Variants in DGKB observed in about 807,000 individuals in gnomAD.
DGKB encodes the protein 90 kDa diacylglycerol kinase.
Under a neutral mutation model 114.3 loss-of-function variants are expected in DGKB, and 67 were observed. The observed-to-expected ratio is 0.59, with a 90% CI of 0.48 to 0.72. The LOEUF (loss-of-function observed/expected upper bound fraction) is 0.72, where lower values mean the gene tolerates loss of function less well. DGKB is among the 30% of genes least tolerant of loss of function. The pLI, the probability that DGKB is intolerant of heterozygous loss-of-function variation, is 0.00. For missense variants in DGKB, 907 were observed against 975.2 expected (o/e 0.93, Z 0.93); for synonymous variants, 398 against 323.1 (o/e 1.23, Z -2.49).
At chr7:14,353,149 G>A (rs1813791945) in intron 21 of DGKB, among the ~76,000 whole-genome samples, 1 of 151,936 alleles carries the variant, frequency 6.6e-6, no homozygotes, top group African/African-American at 2.4e-5. Flanking sequence ...TTTCCCAAAT[G>A]TCTCTCATTA....
At chr7:14,464,866 G>A (rs972663378) in intron 21 of DGKB, among the ~76,000 whole-genome samples, 4 of 152,110 alleles carry the variant, frequency 2.6e-5, no homozygotes, top group African/African-American at 9.7e-5. Flanking sequence ...TTCTTCCTGT[G>A]TACACAAGAA....
At chr7:14,429,930 C>A (rs911453973) in intron 21 of DGKB, among the ~76,000 whole-genome samples, 3 of 151,756 alleles carry the variant, frequency 2.0e-5, no homozygotes, top group Admixed American at 6.6e-5. Flanking sequence ...CTGTCCCCCC[C>A]CCCAAAAAAA....
intron 1 of DGKB, among the ~76,000 whole-genome samples, chr7:14,916,581 A>G (rs1384170780): frequency 6.6e-6 from 1 of 152,134 alleles, no homozygotes; most frequent in Non-Finnish European, 1.5e-5. Flanking sequence ...GAAGTTGACA[A>G]TTCCCTAAGA....
At chr7:14,455,881 G>C (rs1198764323) in intron 21 of DGKB, among the ~76,000 whole-genome samples, 1 of 152,024 alleles carries the variant, frequency 6.6e-6, no homozygotes, top group Non-Finnish European at 1.5e-5. Flanking sequence ...GGCAATGAAA[G>C]CGTCTTCCTT....
Position 14,289,633 on chromosome 7 carries a change from G to T in DGKB, c.2122+48882C>A, listed in dbSNP as rs551147282. Among the ~76,000 whole-genome samples the T allele has an allele frequency of 1.5e-4, 23 of 148,530 alleles. No homozygotes were observed. The Admixed American group carries it at 1.6e-3, about 10-fold the overall frequency. ...CATAGCACTATGCCATAATAAAGAA[G>T]AATAATACTATTAAAAAATAACCAT... On this transcript the variant is annotated intron_variant, in intron 23 of 25. Transcript: ENST00000402815.
chr7:14,812,733 C>T (rs1006660136), intron 2 of DGKB, among the ~76,000 whole-genome samples: 1 of 152,174 alleles, frequency 6.6e-6, no homozygotes, highest in African/African-American at 2.4e-5. Context: ...ATTAATTCTT[C>T]TCTTAGCTCC....
At chr7:14,611,745 T>G (rs1253511193) in intron 16 of DGKB, among the ~76,000 whole-genome samples, 1 of 151,782 alleles carries the variant, frequency 6.6e-6, no homozygotes, top group Non-Finnish European at 1.5e-5. Context: ...ATTATTTATA[T>G]GTACTGGTAG....
intron 17 of DGKB, among the ~76,000 whole-genome samples, chr7:14,599,691 GTTA>G (rs1803205275): frequency 1.3e-5 from 2 of 152,130 alleles, no homozygotes; most frequent in Non-Finnish European, 2.9e-5. Flanking sequence ...GAGGGCAAGA[GTTA>G]TTATCCGTTT....
chr7:14,769,281 A>ATT (rs1562489130), intron 2 of DGKB, among the ~76,000 whole-genome samples: 1 of 149,316 alleles, frequency 6.7e-6, no homozygotes, highest in Non-Finnish European at 1.5e-5. Context: ...AAAGAAAGAA[A>ATT]GATTTTGTAA....
chr7:14,897,805 A>T (rs1474520918), intron 1 of DGKB, among the ~76,000 whole-genome samples: 1 of 151,936 alleles, frequency 6.6e-6, no homozygotes, highest in African/African-American at 2.4e-5. Context: ...TTTTTATTTG[A>T]AAGCCAGTTC....
intron 23 of DGKB, among the ~76,000 whole-genome samples, chr7:14,248,366 G>T (rs1397756107): frequency 6.6e-6 from 1 of 151,990 alleles, no homozygotes; most frequent in Non-Finnish European, 1.5e-5. Flanking sequence ...TTTTAGGATT[G>T]TGTTTTCTAT....
intron 21 of DGKB, among the ~76,000 whole-genome samples, chr7:14,392,198 T>C (rs1445847770): frequency 1.3e-5 from 2 of 152,150 alleles, no homozygotes; most frequent in African/African-American, 4.8e-5. Context: ...ATTAGCTTCA[T>C]TTTTATTCTG....
At chr7:14,631,049 C>T (rs1415222106) in intron 13 of DGKB, among the ~76,000 whole-genome samples, 2 of 150,888 alleles carry the variant, frequency 1.3e-5, no homozygotes, top group African/African-American at 4.9e-5. Flanking sequence ...CATGCTGGAA[C>T]GGGAGAAGAA....
intron 17 of DGKB, among the ~76,000 whole-genome samples, chr7:14,602,993 T>C (rs1475495904): frequency 1.3e-5 from 2 of 152,176 alleles, no homozygotes; most frequent in Non-Finnish European, 2.9e-5. Flanking sequence ...TCAACATCTT[T>C]AAAATCATAG....
chr7:14,584,415 A>T (rs2128730556), intron 17 of DGKB, among the ~76,000 whole-genome samples: 1 of 152,258 alleles, frequency 6.6e-6, no homozygotes. Context: ...AATGGCTCCC[A>T]CTGTCAAATA....
chr7:14,553,907 C>G (rs1795484795), intron 20 of DGKB, among the ~76,000 whole-genome samples: 1 of 118,368 alleles, frequency 8.4e-6, no homozygotes, highest in Admixed American at 1.2e-4. Context: ...GAGTCTCGCT[C>G]TGTCGCCCAG....
intron 25 of DGKB, among the ~76,000 whole-genome samples, chr7:14,164,998 C>A (rs1784417627): frequency 6.6e-6 from 1 of 152,036 alleles, no homozygotes; most frequent in Non-Finnish European, 1.5e-5. Flanking sequence ...AATAACTCTC[C>A]AAAGTCCAGA....
intron 2 of DGKB, among the ~76,000 whole-genome samples, chr7:14,776,351 C>A (rs1435182228): frequency 6.6e-6 from 1 of 152,202 alleles, no homozygotes; most frequent in Non-Finnish European, 1.5e-5. Flanking sequence ...GAATGTTAAT[C>A]ACCAAGACAA....
chr7:14,658,805 TA>T (rs1371433441), intron 13 of DGKB, among the ~76,000 whole-genome samples: 2 of 151,990 alleles, frequency 1.3e-5, no homozygotes, highest in Non-Finnish European at 2.9e-5. Context: ...TACTAAAGAA[TA>T]TTTTTTAAAT....
Sources: gnomAD v4.1 joint callset for allele counts (sites outside exome capture counted in the v4.1 genomes callset) on GRCh38, gnomAD v4.1.1 for gene constraint, MANE v1.5 for transcripts, NCBI Gene and HGNC (gene_info 2026-07-23, HGNC 2026-07-21) for gene names.